Variants in MMP16 observed in about 807,000 individuals in gnomAD.
MMP16 encodes the protein matrix metalloproteinase-16.
Under a neutral mutation model 67.8 loss-of-function variants are expected in MMP16, and 12 were observed. The ratio of observed to expected loss-of-function variants is 0.18; its 90% confidence interval spans 0.11 to 0.29. The LOEUF is 0.29. Among genes scored for constraint, MMP16 ranks in the 10% least tolerant of loss-of-function variants. MMP16 has a pLI of 1.00. For missense variants in MMP16, 475 were observed against 765.7 expected, an observed-to-expected ratio of 0.62 and a Z score of 4.48; for synonymous variants, 249 against 255.9, an observed-to-expected ratio of 0.97 and a Z score of 0.26.
At chr8:88,076,180 A>G (rs1241832937) in intron 6 of MMP16, among the ~76,000 whole-genome samples, 1 of 152,112 alleles carries the variant, frequency 6.6e-6, no homozygotes, top group Non-Finnish European at 1.5e-5. Context: ...CTCATATGCA[A>G]TTCTTGTTCT....
At chr8:88,161,643 T>C (rs1211191062) in intron 4 of MMP16, among the ~76,000 whole-genome samples, 1 of 152,134 alleles carries the variant, frequency 6.6e-6, no homozygotes, top group Non-Finnish European at 1.5e-5. Flanking sequence ...ATTGTGATGT[T>C]AGGGTGTTAA....
chr8:88,282,082 T>TTGGG (rs1491392220), intron 1 of MMP16, among the ~76,000 whole-genome samples: 1 of 116,154 alleles, frequency 8.6e-6, no homozygotes, highest in Non-Finnish European at 1.7e-5. Flanking sequence ...TTTTCTTTTT[T>TTGGG]GGGGGGGGGG....
At chr8:88,155,578 C>A (rs1431261153) in intron 4 of MMP16, among the ~76,000 whole-genome samples, 7 of 152,110 alleles carry the variant, frequency 4.6e-5, no homozygotes, top group Admixed American at 4.6e-4. Context: ...TACTCTTCCA[C>A]CATCCTTTGA....
intron 3 of MMP16, among the ~76,000 whole-genome samples, chr8:88,169,650 C>T (rs941298393): frequency 6.6e-6 from 1 of 151,986 alleles, no homozygotes; most frequent in Non-Finnish European, 1.5e-5. Flanking sequence ...AATAAGATAG[C>T]AAACCAAGTG....
At chr8:88,101,085 G>C (rs1176369406) in intron 6 of MMP16, among the ~76,000 whole-genome samples, 2 of 151,664 alleles carry the variant, frequency 1.3e-5, no homozygotes, top group Non-Finnish European at 2.9e-5. Flanking sequence ...TAACAAACCT[G>C]CACGTTGTGC....
intron 1 of MMP16, among the ~76,000 whole-genome samples, chr8:88,198,476 A>G (rs1444546091): frequency 6.6e-6 from 1 of 152,160 alleles, no homozygotes; most frequent in Non-Finnish European, 1.5e-5. Context: ...ATGAAATTGT[A>G]GTTTTTCCCA....
At chr8:88,275,433 C>G (rs1194905210) in intron 1 of MMP16, among the ~76,000 whole-genome samples, 2 of 151,930 alleles carry the variant, frequency 1.3e-5, no homozygotes, top group African/African-American at 2.4e-5. Flanking sequence ...GACTTTAGTT[C>G]CAATATAGCT....
rs572327447 is a variant in MMP16, at chr8:88,216,373, A to G, written c.133-19067T>C. 5.9e-5 allele frequency among the ~76,000 whole-genome samples: 9 copies of G among 152,326 alleles called. No homozygotes were observed. In the East Asian group the frequency reaches 1.5e-3, roughly 26 times the overall value. ...AATGAAAGAATGCTTCAATACCCTG[A>G]ATATTGTATTTCGTATAAACATAAA... On this transcript the variant is annotated intron_variant, in intron 1 of 9. Coordinates refer to ENST00000286614, the MANE Select transcript of MMP16 (RefSeq NM_005941.5).
At chr8:88,196,641 A>C (rs547737237) in intron 2 of MMP16, among the ~76,000 whole-genome samples, 1 of 152,306 alleles carries the variant, frequency 6.6e-6, no homozygotes, top group East Asian at 1.9e-4. Context: ...TCTTTGATTT[A>C]GAACCGTCAG....
intron 1 of MMP16, among the ~76,000 whole-genome samples, chr8:88,278,235 A>G (rs1393706943): frequency 1.3e-5 from 2 of 152,186 alleles, no homozygotes; most frequent in African/African-American, 4.8e-5. Flanking sequence ...TTTCCCAGCT[A>G]ACACTAAGCT....
chr8:88,123,406 C>T (rs1256720146), intron 4 of MMP16, among the ~76,000 whole-genome samples: 1 of 151,418 alleles, frequency 6.6e-6, no homozygotes, highest in Admixed American at 6.6e-5. Context: ...TTCTTGTCTC[C>T]TGTGTTTTTT....
At chr8:88,125,031 G>A (rs1807903644) in intron 4 of MMP16, among the ~76,000 whole-genome samples, 1 of 151,790 alleles carries the variant, frequency 6.6e-6, no homozygotes, top group Admixed American at 6.6e-5. Context: ...TCAGATTGGA[G>A]GGTTAAAGCT....
In MMP16 at chr8:88,186,484, G is replaced by T. The variant is rs1394074819; in HGVS notation, c.396C>A (p.Ile132=). 1 of 1,612,302 alleles carries T rather than the reference G, an allele frequency of 6.2e-7. No individual in the cohort carries two copies. Among genetic ancestry groups the T allele is most frequent in the African/African-American group, 1.3e-5 (1 of 74,792 alleles). Residue 132 remains isoleucine, a synonymous_variant, in exon 3 of 10, where the codon ATC becomes ATA. Coordinates refer to ENST00000286614, the MANE Select transcript of MMP16 (RefSeq NM_005941.5). Reference sequence around the variant, plus strand: ...ATCGTGAGTTCTTATACCTGTAAGTGATGTGCTTGTGCTGCCATTTCTGTC... The same window carrying T: ...ATCGTGAGTTCTTATACCTGTAAGTTATGTGCTTGTGCTGCCATTTCTGTC... ...LTGQKWQHKH[I]TYSIKNVTPK...
chr8:88,048,577 G>C (rs1808228046), intron 8 of MMP16, among the ~76,000 whole-genome samples: 1 of 152,152 alleles, frequency 6.6e-6, no homozygotes, highest in Admixed American at 6.5e-5. Context: ...CCATTTGAGA[G>C]AGGAGAATTC....
At chr8:88,301,102 T>C (rs541216232) in intron 1 of MMP16, among the ~76,000 whole-genome samples, 3 of 152,302 alleles carry the variant, frequency 2.0e-5, no homozygotes, top group African/African-American at 7.2e-5. Flanking sequence ...CAAAAAACAG[T>C]ATCATCCTTT....
intron 1 of MMP16, among the ~76,000 whole-genome samples, chr8:88,262,846 C>CAAAAAAAAAAA (rs71277991): frequency 6.0e-4 from 32 of 53,460 alleles, no homozygotes; most frequent in East Asian, 4.7e-3. Context: ...ACTAAAAATA[C>CAAAAAAAAAAA]AAAAAAAAAA....
intron 6 of MMP16, among the ~76,000 whole-genome samples, chr8:88,087,997 C>G (rs1414727721): frequency 1.5e-5 from 2 of 133,226 alleles, no homozygotes; most frequent in Non-Finnish European, 3.0e-5. Flanking sequence ...CTATATCTAT[C>G]TCTATATAAA....
intron 1 of MMP16, among the ~76,000 whole-genome samples, chr8:88,274,623 G>T (rs765172326): frequency 6.6e-6 from 1 of 152,062 alleles, no homozygotes; most frequent in East Asian, 1.9e-4. Context: ...ACTAAAAAGA[G>T]ATTCCAACAA....
chr8:88,095,894 G>A (rs1174589151), intron 6 of MMP16, among the ~76,000 whole-genome samples: 2 of 151,940 alleles, frequency 1.3e-5, no homozygotes, highest in South Asian at 2.1e-4. Flanking sequence ...ATGGAGTAGT[G>A]AATAAGAGAG....
Sources: allele counts gnomAD v4.1 joint callset (sites outside exome capture counted in the v4.1 genomes callset), GRCh38; gene constraint gnomAD v4.1.1; transcripts MANE v1.5; gene names NCBI Gene and HGNC (gene_info 2026-07-23, HGNC 2026-07-21).